The following TEC variants were observed in gnomAD, a reference collection of about 807,000 sequenced individuals.
The protein encoded by TEC is tec protein tyrosine kinase.
Under a neutral mutation model 93.0 loss-of-function variants are expected in TEC, and 72 were observed. The observed-to-expected ratio is 0.77, with a 90% CI of 0.64 to 0.94. TEC has a LOEUF of 0.94. Ranked by LOEUF, TEC falls within the 40% of genes least tolerant of loss-of-function variation. The pLI, the probability that TEC is intolerant of heterozygous loss-of-function variation, is 0.00. For synonymous variants in TEC, 249 were observed against 247.7 expected (o/e 1.01, Z -0.05); for missense variants, 630 against 757.9 (o/e 0.83, Z 1.98).
intron 2 of TEC, among the ~76,000 whole-genome samples, chr4:48,180,899 TA>T (rs1402258825): frequency 1.3e-5 from 2 of 152,230 alleles, no homozygotes; most frequent in East Asian, 3.9e-4. Flanking sequence ...GCAACTGCCG[TA>T]ATAGTTCAGG....
chr4:48,264,812 A>G (rs57675900), intron 1 of TEC, among the ~76,000 whole-genome samples: 2 of 151,730 alleles, frequency 1.3e-5, no homozygotes, highest in Non-Finnish European at 2.9e-5. Flanking sequence ...AATTTTTTTT[A>G]TTTTTAGTAG....
intron 2 of TEC, among the ~76,000 whole-genome samples, chr4:48,218,896 C>T (rs571327696): frequency 7.9e-5 from 12 of 152,166 alleles, no homozygotes; most frequent in African/African-American, 1.7e-4. Flanking sequence ...TCAAGCATCT[C>T]GTAACAAGAG....
At chr4:48,148,686 T>C (rs745659646) in intron 11 of TEC, among the ~76,000 whole-genome samples, 2 of 152,218 alleles carry the variant, frequency 1.3e-5, no homozygotes, top group African/African-American at 4.8e-5. Context: ...CTTTTTAAAC[T>C]TTTAAGTTCA....
At chr4:48,262,604 G>A (rs1340344205) in intron 1 of TEC, among the ~76,000 whole-genome samples, 1 of 152,126 alleles carries the variant, frequency 6.6e-6, no homozygotes, top group Non-Finnish European at 1.5e-5. Context: ...AAGAACTTCT[G>A]TGAAGACCCA....
chr4:48,167,997 A>G, intron 6 of TEC, 44 bp from the exon 7 acceptor site: 1 of 1,576,734 alleles, frequency 6.3e-7, no homozygotes, highest in Non-Finnish European at 8.7e-7. Flanking sequence ...CTTCTATATG[A>G]AACTGATCAT....
intron 2 of TEC, among the ~76,000 whole-genome samples, chr4:48,184,770 TACACACACACACACAC>T (rs58704241): frequency 7.1e-5 from 10 of 140,942 alleles, no homozygotes; most frequent in African/African-American, 2.1e-4. Flanking sequence ...ACAAAAAAAA[TACACACACACACACAC>T]ACACACACAC....
At chr4:48,185,960 A>T (rs9685525) in intron 2 of TEC, among the ~76,000 whole-genome samples, 99,733 of 151,810 alleles carry the variant, frequency 0.66, 32,805 homozygotes, top group Admixed American at 0.75. Flanking sequence ...CCTCCCTGCC[A>T]GATTCTCCTG....
Position 48,168,626 on chromosome 4 carries a change from C to T in TEC, c.455G>A (p.Ser152Asn), listed in dbSNP as rs1179621689. The part of the protein sequence containing the change: ...GCEKYNLFES[S>N]IRKALPPAPE... ...TGCTGGAGGTAGTGCTTTTCTTATA[C>T]CTGAAAATGCCAACAACAAAAACAG... Residue 152 changes from serine (S) to asparagine (N), a missense_variant and splice_region_variant, in exon 6 of 18, where the codon AGT becomes AAT. This residue lies in a region of TEC where 335 missense variants were observed against 351.5 expected (regional missense o/e 0.95). Transcript: ENST00000381501. 1.2e-6 allele frequency: 2 copies of T among 1,600,960 alleles called. No individual in the cohort carries two copies. The highest frequency in any genetic ancestry group is 1.8e-5 in the Admixed American group (1 of 55,370).
chr4:48,158,736 A>G (rs889469339), intron 8 of TEC, among the ~76,000 whole-genome samples: 7 of 152,230 alleles, frequency 4.6e-5, no homozygotes, highest in Non-Finnish European at 1.0e-4. Flanking sequence ...AACCAAACAT[A>G]AGATACTCAG....
rs930871178 is a variant in TEC at position 48,164,303 on chromosome 4, C to T, written c.672-536G>A. Among the ~76,000 whole-genome samples the T allele has an allele frequency of 2.6e-5, 4 of 152,204 alleles. No individual in the cohort carries two copies. In the East Asian group the frequency reaches 5.8e-4, roughly 22 times the overall value. ...CTTTCGGTCAGTATCATTTGGGGCA[C>T]CTGTTAAAACAGCAAATTCTTGGGT... On this transcript the variant is annotated intron_variant, in intron 7 of 17. Transcript: ENST00000381501.
Position 48,228,552 on chromosome 4 carries a change from T to C in TEC, c.63A>G (p.Thr21=), listed in dbSNP as rs1209701287. Residue 21 remains threonine, a synonymous_variant, in exon 2 of 18, where the codon ACA becomes ACG. Transcript: ENST00000381501. The part of the protein sequence containing the change: ...LIKRSQQKKK[T]SPLNYKERLF... The stretch of plus-strand genomic sequence containing the variant: ...GTCTCTCTTTGTAGTTTAAGGGCGA[T>C]GTCTTCTTTTTCTGCTGTGACCTTT... 6 of 1,613,986 alleles carry C rather than the reference T, an allele frequency of 3.7e-6. No homozygotes were observed. The Admixed American group carries it at 5.0e-5, about 13-fold the overall frequency.
At chr4:48,249,646 C>T (rs1159344712) in intron 1 of TEC, among the ~76,000 whole-genome samples, 1 of 152,204 alleles carries the variant, frequency 6.6e-6, no homozygotes, top group African/African-American at 2.4e-5. Flanking sequence ...TTTGGAGATT[C>T]CAACTTCATC....
Position 48,230,813 on chromosome 4 carries a change from G to C in TEC, c.-45-2154C>G, listed in dbSNP as rs537847008. Among the ~76,000 whole-genome samples, 46 of 152,260 alleles carry C rather than the reference G, an allele frequency of 3.0e-4. 2 individuals carry two copies. In the South Asian group the frequency reaches 3.5e-3, roughly 12 times the overall value. ...CTCACAGCATTCATTCCCTGGCCTAGTGGACTCTCTGCTTTCCACCTGTGA... is the reference window on the plus strand; with the variant it reads ...CTCACAGCATTCATTCCCTGGCCTACTGGACTCTCTGCTTTCCACCTGTGA... On this transcript the variant is annotated intron_variant, in intron 1 of 17. Coordinates refer to ENST00000381501, the MANE Select transcript of TEC (RefSeq NM_003215.3).
intron 3 of TEC, among the ~76,000 whole-genome samples, chr4:48,173,360 A>G (rs943624427): frequency 6.6e-6 from 1 of 152,230 alleles, no homozygotes; most frequent in African/African-American, 2.4e-5. Context: ...AGCTTGATAT[A>G]TTACCTAGCT....
chr4:48,180,837 TATA>T, intron 2 of TEC, among the ~76,000 whole-genome samples: 1 of 152,276 alleles, frequency 6.6e-6, no homozygotes, highest in East Asian at 1.9e-4. Flanking sequence ...TTTTTAAAAA[TATA>T]ATGATTAACG....
At chr4:48,265,076 A>G (rs1475448480) in intron 1 of TEC, among the ~76,000 whole-genome samples, 1 of 152,152 alleles carries the variant, frequency 6.6e-6, no homozygotes, top group Non-Finnish European at 1.5e-5. Context: ...GGGAAATTCA[A>G]TCTGTGCAGG....
chr4:48,267,750 A>C (rs994869594), intron 1 of TEC, among the ~76,000 whole-genome samples: 1 of 152,210 alleles, frequency 6.6e-6, no homozygotes, highest in Non-Finnish European at 1.5e-5. Context: ...CATGCTGAAG[A>C]TCAACACTCA....
intron 1 of TEC, among the ~76,000 whole-genome samples, chr4:48,235,166 T>G (rs1370128123): frequency 6.6e-6 from 1 of 152,200 alleles, no homozygotes; most frequent in Non-Finnish European, 1.5e-5. Context: ...ATTAAACTGA[T>G]TCACGTAGAC....
At chr4:48,163,594 C>T (rs1218224767) in intron 8 of TEC, 108 bp downstream of exon 8, 8 of 695,238 alleles carry the variant, frequency 1.2e-5, no homozygotes, top group Non-Finnish European at 1.9e-5. Context: ...TTTAGCACCC[C>T]CTTCAAAGAA....
Sources: gnomAD v4.1 joint callset for allele counts (sites outside exome capture counted in the v4.1 genomes callset) on GRCh38, gnomAD v4.1.1 for gene constraint, gnomAD v4.1.1 regional missense constraint, MANE v1.5 for transcripts, NCBI Gene and HGNC (gene_info 2026-07-23, HGNC 2026-07-21) for gene names.